The following RABEPK variants were observed in gnomAD, a reference collection of about 807,000 sequenced individuals.
RABEPK encodes the protein 40 kDa Rab9 effector protein.
In RABEPK, 27 loss-of-function variants were observed where a neutral mutation model predicts 34.1. The ratio of observed to expected loss-of-function variants is 0.79; its 90% confidence interval spans 0.58 to 1.09. The LOEUF is 1.09. RABEPK is among the 50% of genes least tolerant of loss of function. RABEPK has a pLI of 0.00. For missense variants in RABEPK, 449 were observed against 462.6 expected (o/e 0.97, Z 0.27); for synonymous variants, 172 against 169.2 (o/e 1.02, Z -0.13).
In RABEPK at chr9:125,233,773, A is replaced by G; in HGVS notation, c.912A>G (p.Pro304=). The G allele has an allele frequency of 6.2e-7, 1 of 1,613,990 alleles. No individual in the cohort carries two copies. The highest frequency in any genetic ancestry group is 8.5e-7 in the Non-Finnish European group (1 of 1,179,860). The change falls in exon 8 of 8, where the codon CCA becomes CCG. Residue 304 remains proline (P), a synonymous_variant. Transcript: ENST00000373538. ...LDHSMCIIPW[P]VTCASEKEDS... ...ATTCCATGTGTATCATTCCATGGCCAGTGACGTGTGCTTCTGAGAAAGAAG... is the reference window on the plus strand; with the variant it reads ...ATTCCATGTGTATCATTCCATGGCCGGTGACGTGTGCTTCTGAGAAAGAAG...
chr9:125,227,627 C>T (rs1831854829), intron 5 of RABEPK, among the ~76,000 whole-genome samples: 3 of 151,584 alleles, frequency 2.0e-5, no homozygotes, highest in African/African-American at 7.3e-5. Context: ...GACAGTGTTT[C>T]ACCATGTTGG....
At chr9:125,220,987 C>G (rs942192172) in intron 5 of RABEPK, 4 of 248,830 alleles carry the variant, frequency 1.6e-5, no homozygotes, top group Admixed American at 1.1e-4. Flanking sequence ...GCCAACATAC[C>G]TTTTCTCTAC....
intron 6 of RABEPK, among the ~76,000 whole-genome samples, chr9:125,231,529 G>A (rs1832176992): frequency 6.6e-6 from 1 of 152,030 alleles, no homozygotes; most frequent in African/African-American, 2.4e-5. Flanking sequence ...CAGGCACCAG[G>A]CCATGGCTCC....
intron 3 of RABEPK, among the ~76,000 whole-genome samples, chr9:125,207,971 A>G (rs1307639232): frequency 6.6e-6 from 1 of 152,012 alleles, no homozygotes; most frequent in East Asian, 1.9e-4. Context: ...CTAAAAATAC[A>G]AAAAAATTAG....
At chr9:125,230,728 G>C (rs1056130957) in intron 6 of RABEPK, among the ~76,000 whole-genome samples, 3 of 151,156 alleles carry the variant, frequency 2.0e-5, no homozygotes, top group African/African-American at 7.3e-5. Context: ...GTAGAGACAG[G>C]GTTTCACCGT....
At position 125,200,615 on chromosome 9, in the gene RABEPK, C is replaced by A. The variant is rs1213717806; in HGVS notation, c.-298C>A. 4.4e-6 allele frequency: 2 copies of A among 458,942 alleles called. No homozygotes were observed. The highest frequency in any genetic ancestry group is 2.4e-5 in the Admixed American group (1 of 41,968). The allele number at this position is 458,942 out of a possible 1,614,324, so 28.4% of individuals were successfully genotyped here. The stretch of plus-strand genomic sequence containing the variant: ...GGGGCTGGAGGGTAGGGGCGAGGGT[C>A]CCCGGATACCGGGTCTATCACGGTC... On this transcript the variant is annotated 5_prime_UTR_variant, in exon 1 of 8. Coordinates refer to ENST00000373538, the MANE Select transcript of RABEPK (RefSeq NM_005833.4).
chr9:125,203,814 CCT>C (rs1415140181), intron 2 of RABEPK, among the ~76,000 whole-genome samples: 23 of 149,878 alleles, frequency 1.5e-4, no homozygotes, highest in East Asian at 4.0e-4. Context: ...GGGTGGATCT[CCT>C]GAGGTCAGGA....
At chr9:125,200,944 T>C (rs965869675) in intron 1 of RABEPK, 38 bp downstream of exon 1, 17 of 431,816 alleles carry the variant, frequency 3.9e-5, no homozygotes, top group African/African-American at 3.2e-4. Flanking sequence ...CTATTTTCTT[T>C]CTTCATTCAC....
intron 2 of RABEPK, among the ~76,000 whole-genome samples, chr9:125,206,217 A>C (rs405631): frequency 0.34 from 51,346 of 151,990 alleles, 9,249 homozygotes; most frequent in East Asian, 0.53. Context: ...ATCACTGTGG[A>C]GAGTGGAATG....
In RABEPK at chr9:125,234,136, T is replaced by C; in HGVS notation, c.*156T>C. On this transcript the variant is annotated 3_prime_UTR_variant, in exon 8 of 8. Transcript: ENST00000373538. Reference sequence around the variant, plus strand: ...TAATGCAAATAATTCTTATGTGCACTAAACCTTGCTATATTGCCTCTCAGA... The same window carrying C: ...TAATGCAAATAATTCTTATGTGCACCAAACCTTGCTATATTGCCTCTCAGA... 1.1e-5 allele frequency: 8 copies of C among 758,646 alleles called. 1 individual carries two copies. The highest frequency in any genetic ancestry group is 1.7e-5 in the Non-Finnish European group (8 of 471,316). The allele number at this position is 758,646 out of a possible 1,614,324, so 47.0% of individuals were successfully genotyped here.
At chr9:125,207,412 T>TA in intron 2 of RABEPK, 152 bp from the exon 3 acceptor site, 1 of 776,380 alleles carries the variant, frequency 1.3e-6, no homozygotes, top group Non-Finnish European at 2.1e-6. Flanking sequence ...GAGGTACTAT[T>TA]ATTAATCAGA....
At chr9:125,233,472 G>A (rs1415324166) in intron 7 of RABEPK, among the ~76,000 whole-genome samples, 1 of 151,218 alleles carries the variant, frequency 6.6e-6, no homozygotes, top group Non-Finnish European at 1.5e-5. Flanking sequence ...CCGAGTAGCT[G>A]GGACTACAGG....
chr9:125,220,660 C>T lies in RABEPK; in HGVS notation c.486C>T (p.Ala162=). ...TCTTTGGGGGCGGAGAGAGAGGTGC[C>T]CAGCCCGTGCAGGACACGAAGCTGC... ...LYVFGGGERG[A]QPVQDTKLHV... The change falls in exon 5 of 8, where the codon GCC becomes GCT. Residue 162 remains alanine (A), a synonymous_variant. Transcript: ENST00000373538. 6.2e-7 allele frequency: 1 copy of T among 1,614,118 alleles called. No homozygotes were observed. The highest frequency in any genetic ancestry group is 8.5e-7 in the Non-Finnish European group (1 of 1,180,022).
rs2131448254 is a variant in RABEPK at position 125,234,035 on chromosome 9, AT to A, written c.*57del. On this transcript the variant is annotated 3_prime_UTR_variant, in exon 8 of 8. Coordinates refer to ENST00000373538, the MANE Select transcript of RABEPK (RefSeq NM_005833.4). ...TACTTTCAGAATAGTTAAGTAAAAC[AT>A]TAGCTGTTTTATACCTCCAAAATAT... 6.8e-7 allele frequency: 1 copy of A among 1,461,612 alleles called. No individual in the cohort carries two copies. The highest frequency in any genetic ancestry group is 1.4e-5 in the African/African-American group (1 of 70,898). 90.5% of individuals were successfully genotyped at this position (1,461,612 alleles called of 1,614,324 possible).
intron 1 of RABEPK, among the ~76,000 whole-genome samples, 159 bp downstream of exon 1, chr9:125,201,065 C>G (rs990886125): frequency 6.6e-6 from 1 of 152,238 alleles, no homozygotes; most frequent in African/African-American, 2.4e-5. Context: ...AATCTAGAAT[C>G]TAGTCTAGAA....
chr9:125,210,220 G>A (rs987248521), intron 3 of RABEPK, among the ~76,000 whole-genome samples: 5 of 151,648 alleles, frequency 3.3e-5, no homozygotes, highest in East Asian at 1.9e-4. Flanking sequence ...TGGCTAACAC[G>A]GTGAAACCCT....
Position 125,226,592 on chromosome 9 carries a change from A to G in RABEPK, c.527-1318A>G, listed in dbSNP as rs547456494. On this transcript the variant is annotated intron_variant, in intron 5 of 7. Coordinates refer to ENST00000373538, the MANE Select transcript of RABEPK (RefSeq NM_005833.4). ...TACAAAATATTAGATGGGGCCGGGCACGGTGGCTCACGTCTGTAATCCCAG... is the reference window on the plus strand; with the variant it reads ...TACAAAATATTAGATGGGGCCGGGCGCGGTGGCTCACGTCTGTAATCCCAG... 2.0e-4 allele frequency among the ~76,000 whole-genome samples: 30 copies of G among 151,436 alleles called. 1 individual carries two copies. The highest frequency in any genetic ancestry group is 6.3e-4 in the African/African-American group (26 of 40,990).
intron 4 of RABEPK, among the ~76,000 whole-genome samples, chr9:125,217,943 A>G (rs1564185405): frequency 6.6e-6 from 1 of 152,072 alleles, no homozygotes. Flanking sequence ...AGCATTTTAT[A>G]TATTGGATGT....
At chr9:125,208,145 A>G (rs1244388623) in intron 3 of RABEPK, among the ~76,000 whole-genome samples, 1 of 152,040 alleles carries the variant, frequency 6.6e-6, no homozygotes, top group East Asian at 1.9e-4. Flanking sequence ...AAGAAAAAAG[A>G]AAAAGTCAGC....
Sources: gnomAD v4.1 joint callset for allele counts (sites outside exome capture counted in the v4.1 genomes callset) on GRCh38, gnomAD v4.1.1 for gene constraint, MANE v1.5 for transcripts, NCBI Gene and HGNC (gene_info 2026-07-23, HGNC 2026-07-21) for gene names.